Variants in ABTB3 observed in about 807,000 individuals in gnomAD.
The protein encoded by ABTB3 is ankyrin repeat- and BTB/POZ domain-containing protein 3.
At chr12:107,480,851 G>A in the ABTB3 span, among the ~76,000 whole-genome samples, 1 of 152,178 alleles carries the variant, frequency 6.6e-6, no homozygotes, top group Non-Finnish European at 1.5e-5. Context: ...GTGAAGCCCA[G>A]AGTTCTGCAG....
At chr12:107,520,428 G>T in the ABTB3 span, 1 of 1,577,516 alleles carries the variant, frequency 6.3e-7, no homozygotes, top group Non-Finnish European at 8.6e-7. Context: ...CCTTCCCTCG[G>T]TTAACTGAAA....
At chr12:107,529,483 G>T in the ABTB3 span, among the ~76,000 whole-genome samples, 1 of 152,120 alleles carries the variant, frequency 6.6e-6, no homozygotes, top group Non-Finnish European at 1.5e-5. Flanking sequence ...AGATGAAGAT[G>T]GTGATGGTAG....
chr12:107,446,396 G>A, the ABTB3 span, among the ~76,000 whole-genome samples: 1 of 152,126 alleles, frequency 6.6e-6, no homozygotes, highest in Non-Finnish European at 1.5e-5. Flanking sequence ...GACTGGGAGG[G>A]CCTAACTCCA....
At chr12:107,405,817 A>G in the ABTB3 span, among the ~76,000 whole-genome samples, 1 of 152,218 alleles carries the variant, frequency 6.6e-6, no homozygotes, top group Non-Finnish European at 1.5e-5. Flanking sequence ...TCTGCATGAA[A>G]GAGGGATTGA....
chr12:107,508,289 GGACA>G, the ABTB3 span, among the ~76,000 whole-genome samples: 1 of 151,780 alleles, frequency 6.6e-6, no homozygotes, highest in East Asian at 1.9e-4. Flanking sequence ...AAGTTTGGAT[GGACA>G]GACGGATGGA....
the ABTB3 span, among the ~76,000 whole-genome samples, chr12:107,504,966 A>C: frequency 6.6e-6 from 1 of 152,198 alleles, no homozygotes; most frequent in South Asian, 2.1e-4. Context: ...TTTTACCATG[A>C]ACTCTACCCA....
chr12:107,548,146 G>A, the ABTB3 span, among the ~76,000 whole-genome samples: 6 of 151,808 alleles, frequency 4.0e-5, no homozygotes, highest in Admixed American at 2.0e-4. Flanking sequence ...TCCAATAGAA[G>A]TTAGGACTCT....
At chr12:107,494,445 C>T in the ABTB3 span, among the ~76,000 whole-genome samples, 1 of 152,150 alleles carries the variant, frequency 6.6e-6, no homozygotes, top group Non-Finnish European at 1.5e-5. Flanking sequence ...AAGGGACTCC[C>T]TTCATGAGCT....
the ABTB3 span, among the ~76,000 whole-genome samples, chr12:107,559,381 A>G: frequency 6.6e-6 from 1 of 151,662 alleles, no homozygotes; most frequent in Non-Finnish European, 1.5e-5. Context: ...CTCAGGGGGA[A>G]AAAACAACAT....
the ABTB3 span, among the ~76,000 whole-genome samples, chr12:107,433,056 C>T: frequency 3.3e-5 from 5 of 151,568 alleles, no homozygotes; most frequent in Admixed American, 2.0e-4. Context: ...GAGGCCGAGG[C>T]GGGTGGATCT....
the ABTB3 span, among the ~76,000 whole-genome samples, chr12:107,456,421 A>G: frequency 1.3e-5 from 2 of 152,212 alleles, no homozygotes; most frequent in Non-Finnish European, 2.9e-5. Flanking sequence ...AGTGGCACGA[A>G]CCGTATTGTG....
chr12:107,421,616 A>G, the ABTB3 span, among the ~76,000 whole-genome samples: 40 of 152,250 alleles, frequency 2.6e-4, no homozygotes, highest in Non-Finnish European at 4.4e-4. Flanking sequence ...GGTAAACGAT[A>G]TAAGCCACCT....
the ABTB3 span, among the ~76,000 whole-genome samples, chr12:107,410,309 G>C: frequency 6.6e-6 from 1 of 152,092 alleles, no homozygotes; most frequent in Non-Finnish European, 1.5e-5. Context: ...ACAAGGTGCT[G>C]GGTCAGATGG....
chr12:107,322,071 C>T, the ABTB3 span, among the ~76,000 whole-genome samples: 1 of 152,232 alleles, frequency 6.6e-6, no homozygotes, highest in Admixed American at 6.5e-5. Flanking sequence ...CCCAGGTCCT[C>T]TTGTAGCTCT....
chr12:107,508,444 T>TTTTTTTTTTTTTTTTTTTTTTTG, the ABTB3 span, among the ~76,000 whole-genome samples: 1 of 76,884 alleles, frequency 1.3e-5, no homozygotes, highest in East Asian at 7.9e-4. Context: ...ATTTCTTTTT[T>TTTTTTTTTTTTTTTTTTTTTTTG]TTTTTTTTTT....
the ABTB3 span, among the ~76,000 whole-genome samples, chr12:107,611,519 G>T: frequency 6.6e-6 from 1 of 152,144 alleles, no homozygotes; most frequent in African/African-American, 2.4e-5. Flanking sequence ...ATGCAAAATG[G>T]TCATTATTAT....
the ABTB3 span, among the ~76,000 whole-genome samples, chr12:107,565,555 T>C: frequency 5.3e-3 from 808 of 152,228 alleles, 13 homozygotes; most frequent in African/African-American, 0.018. Context: ...CAGAGCCAGC[T>C]GCCATACCCC....
chr12:107,645,716 G>A, the ABTB3 span, among the ~76,000 whole-genome samples: 2 of 152,210 alleles, frequency 1.3e-5, no homozygotes, highest in Admixed American at 6.5e-5. Context: ...GCTCGTAGTA[G>A]GCGCTCAATA....
chr12:107,611,660 T>A, the ABTB3 span, among the ~76,000 whole-genome samples: 1 of 152,254 alleles, frequency 6.6e-6, no homozygotes, highest in East Asian at 1.9e-4. Flanking sequence ...GGGAAATTTT[T>A]AAAATGCAAA....
Sources: allele counts gnomAD v4.1 joint callset (sites outside exome capture counted in the v4.1 genomes callset), GRCh38; gene constraint gnomAD v4.1.1; transcripts MANE v1.5; gene names NCBI Gene and HGNC (gene_info 2026-07-23, HGNC 2026-07-21).